The following RGS12 variants were observed in gnomAD, a reference collection of about 807,000 sequenced individuals.
RGS12 encodes regulator of G protein signaling 12.
In RGS12, 66 loss-of-function variants were observed where a neutral mutation model predicts 120.1. The observed-to-expected ratio is 0.55, with a 90% CI of 0.45 to 0.67. RGS12 has a LOEUF of 0.67. Among genes scored for constraint, RGS12 ranks in the 30% least tolerant of loss-of-function variants. The pLI is 0.00. For synonymous variants in RGS12, 827 were observed against 804.7 expected (o/e 1.03, Z -0.47); for missense variants, 1,859 against 1,957.7 (o/e 0.95, Z 0.95).
intron 4 of RGS12, among the ~76,000 whole-genome samples, chr4:3,401,724 C>T (rs572203197): frequency 6.6e-6 from 1 of 152,380 alleles, no homozygotes; most frequent in African/African-American, 2.4e-5. Context: ...GAGGATCCAC[C>T]TCCTAGAATA....
At chr4:3,351,214 AAAC>A (rs764470711) in intron 3 of RGS12, among the ~76,000 whole-genome samples, 3 of 152,066 alleles carry the variant, frequency 2.0e-5, no homozygotes, top group Non-Finnish European at 2.9e-5. Flanking sequence ...TATTAAAAAA[AAAC>A]AACAAAATTT....
In RGS12 at chr4:3,374,788, G is replaced by T. The variant is rs191769364; in HGVS notation, c.1999-11628G>T. 1.0e-3 allele frequency among the ~76,000 whole-genome samples: 156 copies of T among 152,180 alleles called. No homozygotes were observed. Among genetic ancestry groups the T allele is most frequent in the African/African-American group, 3.2e-3 (134 of 41,534 alleles). The stretch of plus-strand genomic sequence containing the variant: ...CAGAGCCTCCAGCTGCCCCTGCCCT[G>T]CCCTGTCCATGCACCTGCCAGAGTG... On this transcript the variant is annotated intron_variant, in intron 3 of 17. Transcript: ENST00000336727. The surrounding 1 kb of genome is among the most constrained non-coding windows in gnomAD (Gnocchi z 6.3).
At position 3,430,729 on chromosome 4, in the gene RGS12, C is replaced by T. The variant is rs767166978; in HGVS notation, c.3888C>T (p.Ser1296=). The T allele has an allele frequency of 2.7e-5, 43 of 1,595,860 alleles. No homozygotes were observed. Among genetic ancestry groups the T allele is most frequent in the African/African-American group, 1.9e-4 (14 of 74,544 alleles). ...CCCCCCCCGGGCAGAAGTCTCCCAGCGGGCCCTTCTGCACTCCCCAGTCCC... is the reference window on the plus strand; with the variant it reads ...CCCCCCCCGGGCAGAAGTCTCCCAGTGGGCCCTTCTGCACTCCCCAGTCCC... ...GTTPPGQKSP[S]GPFCTPQSPV... The change falls in exon 17 of 18, where the codon AGC becomes AGT. Residue 1296 remains serine (S), a synonymous_variant. Coordinates refer to ENST00000336727, the MANE Select transcript of RGS12 (RefSeq NM_001394154.1).
rs1717118052 is a variant in RGS12 at position 3,372,451 on chromosome 4, C to T, written c.1999-13965C>T. On this transcript the variant is annotated intron_variant, in intron 3 of 17. Coordinates refer to ENST00000336727, the MANE Select transcript of RGS12 (RefSeq NM_001394154.1). The surrounding 1 kb of genome is among the most constrained non-coding windows in gnomAD (Gnocchi z 4.3). ...CCCTGCTGGCGCACGGCTGGACAAG[C>T]ATGACAGTTGTCGCGGAGCCGCCCG... Among the ~76,000 whole-genome samples, 1 of 152,232 alleles carries T rather than the reference C, an allele frequency of 6.6e-6. No homozygotes were observed. Among genetic ancestry groups the T allele is most frequent in the African/African-American group, 2.4e-5 (1 of 41,466 alleles).
intron 1 of RGS12, among the ~76,000 whole-genome samples, chr4:3,309,181 ACTCGGGAATG>A (rs1724154180): frequency 1.9e-4 from 1 of 5,186 alleles, no homozygotes; most frequent in Admixed American, 1.7e-3. Context: ...AGGAGCTGGG[ACTCGGGAATG>A]GCAGGTGTCT....
chr4:3,294,304 A>C (rs1218135927), intron 1 of RGS12, among the ~76,000 whole-genome samples: 1 of 152,222 alleles, frequency 6.6e-6, no homozygotes, highest in African/African-American at 2.4e-5. Flanking sequence ...CATTCACAGC[A>C]AGGAGACTAC....
intron 4 of RGS12, among the ~76,000 whole-genome samples, chr4:3,397,205 A>G (rs1201235750): frequency 2.6e-5 from 4 of 152,226 alleles, no homozygotes; most frequent in African/African-American, 4.8e-5. Flanking sequence ...TTGAGAAAAA[A>G]GGGACTGGTT....
chr4:3,299,658 A>G, intron 1 of RGS12, among the ~76,000 whole-genome samples: 1 of 152,182 alleles, frequency 6.6e-6, no homozygotes, highest in Non-Finnish European at 1.5e-5. Context: ...GTGATCAGGG[A>G]GCTAGCACTC....
intron 3 of RGS12, among the ~76,000 whole-genome samples, chr4:3,343,936 T>C (rs1713528106): frequency 6.6e-6 from 1 of 152,266 alleles, no homozygotes; most frequent in African/African-American, 2.4e-5. Flanking sequence ...TTTTACTTGT[T>C]GTATGGCATT....
chr4:3,410,558 A>C (rs1427305192), intron 4 of RGS12, among the ~76,000 whole-genome samples: 1 of 152,218 alleles, frequency 6.6e-6, no homozygotes, highest in Non-Finnish European at 1.5e-5. Context: ...ACCGTGGCTG[A>C]TGAACGAAGT....
chr4:3,405,186 G>A (rs532391563), intron 4 of RGS12, among the ~76,000 whole-genome samples: 9 of 152,340 alleles, frequency 5.9e-5, no homozygotes, highest in Admixed American at 1.3e-4. Flanking sequence ...GGCTTGATGC[G>A]AAGCAAGACA....
intron 3 of RGS12, among the ~76,000 whole-genome samples, chr4:3,344,080 T>A (rs1713549663): frequency 6.6e-6 from 1 of 152,166 alleles, no homozygotes; most frequent in Non-Finnish European, 1.5e-5. Context: ...GAGAGTGTTC[T>A]TAGCTGGGAA....
At chr4:3,428,842 T>A (rs1723950510) in intron 16 of RGS12, 131 bp downstream of exon 16, 1 of 786,574 alleles carries the variant, frequency 1.3e-6, no homozygotes, top group Middle Eastern at 3.8e-4. Flanking sequence ...GGAAGACATG[T>A]TTCTCCCGGG....
intron 2 of RGS12, among the ~76,000 whole-genome samples, chr4:3,318,595 A>G (rs1724967531): frequency 6.6e-6 from 1 of 152,204 alleles, no homozygotes. Flanking sequence ...CCGCCTGCTC[A>G]CTGAGGGGTA....
At chr4:3,291,994 C>T (rs1305226452), upstream of RGS12, among the ~76,000 whole-genome samples, 1 of 152,118 alleles carries the variant, frequency 6.6e-6, no homozygotes, top group African/African-American at 2.4e-5. Flanking sequence ...GGGGCGGTGG[C>T]GGGGACGGAG....
In RGS12 at chr4:3,317,378, GCGCCTTTCTGGACGGGGACGC is replaced by G; in HGVS notation, c.1211_1231del (p.Ala404_Ala410del). The G allele has an allele frequency of 1.2e-6, 2 of 1,614,064 alleles. No individual in the cohort carries two copies. The highest frequency in any genetic ancestry group is 1.7e-6 in the Non-Finnish European group (2 of 1,180,042). ...GAGCTGATTGAGGGCATGCGGGCCCGCGCCTTTCTGGACGGGGACGCCGATGCCCACCAGAACAACAGCACC... is the reference window on the plus strand; with the variant it reads ...GAGCTGATTGAGGGCATGCGGGCCCGCGATGCCCACCAGAACAACAGCACC... On this transcript the variant is annotated inframe_deletion, in exon 2 of 18. Transcript: ENST00000336727.
At chr4:3,432,898 G>A (rs947803498) in intron 17 of RGS12, among the ~76,000 whole-genome samples, 1 of 152,198 alleles carries the variant, frequency 6.6e-6, no homozygotes, top group Non-Finnish European at 1.5e-5. Context: ...GTGCCTGTCC[G>A]TGGCGACACA....
At chr4:3,344,692 C>T (rs995134769) in intron 3 of RGS12, among the ~76,000 whole-genome samples, 1 of 152,232 alleles carries the variant, frequency 6.6e-6, no homozygotes, top group East Asian at 1.9e-4. Flanking sequence ...ACAGCTCCAG[C>T]GTCTAATCAC....
At chr4:3,397,005 C>T (rs917007369) in intron 4 of RGS12, among the ~76,000 whole-genome samples, 1 of 152,022 alleles carries the variant, frequency 6.6e-6, no homozygotes, top group Non-Finnish European at 1.5e-5. Context: ...ACCATTCCTC[C>T]CAGGAATAAA....
Sources: allele counts gnomAD v4.1 joint callset (sites outside exome capture counted in the v4.1 genomes callset), GRCh38; gene constraint gnomAD v4.1.1; non-coding constraint Gnocchi (gnomAD v3.1); transcripts MANE v1.5; gene names NCBI Gene and HGNC (gene_info 2026-07-23, HGNC 2026-07-21).